ZHX3: variants seen among roughly 807,000 people sequenced by gnomAD.
The protein encoded by ZHX3 is zinc fingers and homeoboxes 3.
Under a neutral mutation model 64.5 loss-of-function variants are expected in ZHX3, and 20 were observed. The ratio of observed to expected loss-of-function variants is 0.31; its 90% CI spans 0.22 to 0.45. The LOEUF (loss-of-function observed/expected upper bound fraction) is 0.45. Among genes scored for constraint, ZHX3 ranks in the 20% least tolerant of loss-of-function variants. The pLI is 1.00. For missense variants in ZHX3, 1,041 were observed against 1,195.8 expected (o/e 0.87, Z 1.91); for synonymous variants, 423 against 461.6 (o/e 0.92, Z 1.07).
chr20:41,274,652 C>T (rs1005619730), intron 1 of ZHX3, among the ~76,000 whole-genome samples: 1 of 152,098 alleles, frequency 6.6e-6, no homozygotes, highest in African/African-American at 2.4e-5. Context: ...TTCTAAGACT[C>T]GCAATTGCAA....
In ZHX3 at chr20:41,184,714, G is replaced by A. The variant is rs2036377492; in HGVS notation, c.*477C>T. 1 of 642,400 alleles carries A rather than the reference G, an allele frequency of 1.6e-6. No homozygotes were observed. Among genetic ancestry groups the A allele is most frequent in the Non-Finnish European group, 2.6e-6 (1 of 383,636 alleles). 39.8% of individuals were successfully genotyped at this position (642,400 alleles called of 1,614,324 possible). A position where few individuals can be genotyped will look rare whatever the true frequency, so the allele number is the denominator to read the frequency against. ...TAACTTCCCTGCCTGACTGTGGAAGGTGAGGGGCACCTGTGACCCAGCAAT... is the reference window on the plus strand; with the variant it reads ...TAACTTCCCTGCCTGACTGTGGAAGATGAGGGGCACCTGTGACCCAGCAAT... On this transcript the variant is annotated 3_prime_UTR_variant, in exon 4 of 4. Transcript: ENST00000683867.
chr20:41,311,282 TG>T (rs2045129499), intron 1 of ZHX3, among the ~76,000 whole-genome samples: 1 of 152,224 alleles, frequency 6.6e-6, no homozygotes. Context: ...GATAGTTTTT[TG>T]TGTATAATTC....
chr20:41,198,080 C>A (rs1375762936), intron 3 of ZHX3, among the ~76,000 whole-genome samples: 1 of 147,160 alleles, frequency 6.8e-6, no homozygotes, highest in African/African-American at 2.6e-5. Context: ...TCTCGGCTCA[C>A]TGCAAGCTCT....
In ZHX3 at chr20:41,203,307, T is replaced by G. The variant is rs2038410826; in HGVS notation, c.1610A>C (p.Glu537Ala). 6.2e-7 allele frequency: 1 copy of G among 1,614,062 alleles called. No homozygotes were observed. The highest frequency in any genetic ancestry group is 1.3e-5 in the African/African-American group (1 of 74,932). Residue 537 changes from glutamate (E) to alanine (A), a missense_variant, in exon 3 of 4, where the codon GAG (glutamate) becomes GCG (alanine). This residue lies in a region of ZHX3 where 649 missense variants were observed against 739.8 expected (regional missense o/e 0.88). Coordinates refer to ENST00000683867, the MANE Select transcript of ZHX3 (RefSeq NM_001384317.1). This position sits in a 1 kb window ranked among gnomAD's most constrained non-coding sequence, Gnocchi z 7.1. Reference sequence around the variant, plus strand: ...ACGATCACTGAACCATTTCCGCACCTCTCTGGTACTGAGGCCCGTCACTTT... The same window carrying G: ...ACGATCACTGAACCATTTCCGCACCGCTCTGGTACTGAGGCCCGTCACTTT... ...LTKVTGLSTR[E>A]VRKWFSDRRY...
At position 41,185,001 on chromosome 20, in the gene ZHX3, C is replaced by T. The variant is rs995402315; in HGVS notation, c.*190G>A. On this transcript the variant is annotated 3_prime_UTR_variant, in exon 4 of 4. Transcript: ENST00000683867. This position sits in a 1 kb window ranked among gnomAD's most constrained non-coding sequence, Gnocchi z 5.0. ...GATGAGAACCCCATCTTGCTTGCTG[C>T]TTGCTTGGTGGTGGGCAGGCCGAGG... 4.4e-5 allele frequency: 69 copies of T among 1,550,992 alleles called. No individual in the cohort carries two copies. The highest frequency in any genetic ancestry group is 5.8e-5 in the Non-Finnish European group (66 of 1,147,014).
At chr20:41,209,180 C>T (rs1033883181) in intron 2 of ZHX3, among the ~76,000 whole-genome samples, 3 of 151,644 alleles carry the variant, frequency 2.0e-5, no homozygotes, top group Admixed American at 6.6e-5. Flanking sequence ...CAGTGCTCAA[C>T]GAAATAAGAG....
In ZHX3 at chr20:41,181,214, C is replaced by T. The variant is rs1169138918; in HGVS notation, c.*3977G>A. 2 of 152,216 alleles carry T rather than the reference C, an allele frequency of 1.3e-5. No individual in the cohort carries two copies. Among genetic ancestry groups the T allele is most frequent in the Non-Finnish European group, 2.9e-5 (2 of 68,078 alleles). The allele number at this position is 152,216 out of a possible 1,614,324, so 9.4% of individuals were successfully genotyped here. A position where few individuals can be genotyped will look rare whatever the true frequency, so the allele number is the denominator to read the frequency against. On this transcript the variant is annotated 3_prime_UTR_variant, in exon 4 of 4. Coordinates refer to ENST00000683867, the MANE Select transcript of ZHX3 (RefSeq NM_001384317.1). ...ACCTGGGTGGGCTGCTGGCTTTGCC[C>T]TGGAAGACTTGACTATGTGGGCCTT...
rs542969909 is a variant in ZHX3, at chr20:41,305,276, T to C, written c.-245+12233A>G. 2.0e-5 allele frequency among the ~76,000 whole-genome samples: 3 copies of C among 152,308 alleles called. No homozygotes were observed. In the South Asian group the frequency reaches 6.2e-4, roughly 32 times the overall value. Reference sequence around the variant, plus strand: ...GGTTCATGCCTGTAATCCCAGCACTTTGGGAAGCCAATGCGGGTGGATTGC... The same window carrying C: ...GGTTCATGCCTGTAATCCCAGCACTCTGGGAAGCCAATGCGGGTGGATTGC... On this transcript the variant is annotated intron_variant, in intron 1 of 3. Coordinates refer to ENST00000683867, the MANE Select transcript of ZHX3 (RefSeq NM_001384317.1).
At chr20:41,239,004 T>C (rs1486964984) in intron 2 of ZHX3, among the ~76,000 whole-genome samples, 1 of 138,764 alleles carries the variant, frequency 7.2e-6, no homozygotes, top group Admixed American at 7.2e-5. Flanking sequence ...TTTTTTTTTT[T>C]TTTTTTTTTT....
intron 2 of ZHX3, among the ~76,000 whole-genome samples, chr20:41,247,876 G>C (rs2041789264): frequency 1.3e-5 from 2 of 152,252 alleles, no homozygotes; most frequent in South Asian, 2.1e-4. Context: ...CACCCTTTCT[G>C]AACAGTTCCT....
At chr20:41,292,057 C>G (rs893224824) in intron 1 of ZHX3, among the ~76,000 whole-genome samples, 3 of 140,262 alleles carry the variant, frequency 2.1e-5, no homozygotes, top group Non-Finnish European at 4.6e-5. Flanking sequence ...AATTCAATTA[C>G]TATTAATACA....
chr20:41,190,804 G>T (rs924386210), intron 3 of ZHX3, among the ~76,000 whole-genome samples: 3 of 152,126 alleles, frequency 2.0e-5, no homozygotes, highest in Non-Finnish European at 4.4e-5. Context: ...GGATAATTTT[G>T]CTAGACATAG....
At chr20:41,316,739 C>G (rs2045299008) in intron 1 of ZHX3, 1 of 152,258 alleles carries the variant, frequency 6.6e-6, no homozygotes, top group Non-Finnish European at 1.5e-5. Flanking sequence ...CAAAATGACT[C>G]AAGCCCTCAA....
chr20:41,287,596 T>C (rs545032586), intron 1 of ZHX3, among the ~76,000 whole-genome samples: 1 of 152,332 alleles, frequency 6.6e-6, no homozygotes, highest in East Asian at 1.9e-4. Context: ...TCTTGGATCA[T>C]GCCCCGAGGG....
At chr20:41,313,251 A>C (rs1028742095) in intron 1 of ZHX3, among the ~76,000 whole-genome samples, 4 of 152,188 alleles carry the variant, frequency 2.6e-5, no homozygotes, top group Non-Finnish European at 5.9e-5. Flanking sequence ...TTGAGAGATC[A>C]GTTCTGAACC....
At chr20:41,208,626 T>C (rs1360943336) in intron 2 of ZHX3, among the ~76,000 whole-genome samples, 3 of 152,142 alleles carry the variant, frequency 2.0e-5, no homozygotes, top group Non-Finnish European at 4.4e-5. Flanking sequence ...AAAAGGCCTT[T>C]GACAAAATTC....
intron 1 of ZHX3, among the ~76,000 whole-genome samples, chr20:41,315,043 G>A (rs1014938167): frequency 6.6e-6 from 1 of 152,202 alleles, no homozygotes; most frequent in African/African-American, 2.4e-5. Context: ...GAAATGGGGT[G>A]TATTTGATAA....
intron 2 of ZHX3, among the ~76,000 whole-genome samples, chr20:41,246,883 ACC>A (rs750944792): frequency 2.9e-4 from 24 of 82,020 alleles, no homozygotes; most frequent in South Asian, 8.4e-4. Flanking sequence ...AAAAAAAAAA[ACC>A]AAACAAACAA....
chr20:41,248,946 C>A (rs144179503), intron 2 of ZHX3, among the ~76,000 whole-genome samples: 7 of 152,068 alleles, frequency 4.6e-5, no homozygotes, highest in Non-Finnish European at 1.5e-5. Flanking sequence ...AAGCAATGGG[C>A]GTAATTCCTG....
Sources: allele counts gnomAD v4.1 joint callset (sites outside exome capture counted in the v4.1 genomes callset), GRCh38; gene constraint gnomAD v4.1.1; regional missense constraint gnomAD v4.1.1; non-coding constraint Gnocchi (gnomAD v3.1); transcripts MANE v1.5; gene names NCBI Gene and HGNC (gene_info 2026-07-23, HGNC 2026-07-21).